The following SOCS5 variants were observed in gnomAD, a reference collection of about 807,000 sequenced individuals.
SOCS5 encodes the protein CIS-6.
Under a neutral mutation model 42.8 loss-of-function variants are expected in SOCS5, and 32 were observed. The ratio of observed to expected loss-of-function variants is 0.75; its 90% CI spans 0.56 to 1.01. The LOEUF (loss-of-function observed/expected upper bound fraction) is 1.01. Ranked by LOEUF, SOCS5 falls within the 50% of genes least tolerant of loss-of-function variation. The pLI is 0.00. For synonymous variants in SOCS5, 283 were observed against 229.6 expected (o/e 1.23, Z -2.10); for missense variants, 627 against 653.0 (o/e 0.96, Z 0.43).
At chr2:46,700,306 T>C (rs576882352) in intron 1 of SOCS5, among the ~76,000 whole-genome samples, 3 of 152,356 alleles carry the variant, frequency 2.0e-5, no homozygotes, top group East Asian at 3.9e-4. Flanking sequence ...TTATCTTTTA[T>C]TGAAAAATAT....
At chr2:46,721,062 A>G (rs745712218) in intron 1 of SOCS5, among the ~76,000 whole-genome samples, 4 of 152,290 alleles carry the variant, frequency 2.6e-5, no homozygotes, top group Non-Finnish European at 2.9e-5. Context: ...TGTCATGTCT[A>G]CTACCTAGAC....
chr2:46,725,728 T>C (rs1419775949), intron 1 of SOCS5, among the ~76,000 whole-genome samples: 1 of 152,220 alleles, frequency 6.6e-6, no homozygotes, highest in African/African-American at 2.4e-5. Flanking sequence ...TTGTTCTTCC[T>C]TAATTATAGA....
intron 1 of SOCS5, among the ~76,000 whole-genome samples, chr2:46,729,703 T>A (rs1673072821): frequency 6.6e-6 from 1 of 152,208 alleles, no homozygotes; most frequent in South Asian, 2.1e-4. Context: ...GGTGTGTGAA[T>A]GTGAAGGCCT....
intron 1 of SOCS5, among the ~76,000 whole-genome samples, chr2:46,726,415 C>A (rs1166452390): frequency 6.6e-6 from 1 of 152,114 alleles, no homozygotes; most frequent in East Asian, 1.9e-4. Flanking sequence ...GTTTATTCTA[C>A]TTGGTTTCTC....
intron 1 of SOCS5, among the ~76,000 whole-genome samples, chr2:46,739,302 T>A (rs1056722641): frequency 6.6e-6 from 1 of 152,144 alleles, no homozygotes; most frequent in African/African-American, 2.4e-5. Flanking sequence ...AAAGGTAATA[T>A]AATTAGAGAA....
rs574062023 is a variant in SOCS5 at position 46,727,596 on chromosome 2, T to G, written c.-13+28147T>G. Among the ~76,000 whole-genome samples, 108 of 152,302 alleles carry G rather than the reference T, an allele frequency of 7.1e-4. 1 individual carries two copies. The highest frequency in any genetic ancestry group is 2.4e-3 in the African/African-American group (101 of 41,554). On this transcript the variant is annotated intron_variant, in intron 1 of 1. Transcript: ENST00000394861. ...GTCAGTTTGTTTTCAAAGCCTGTAGTGCTTCGCTGTTTGGGTCTGTCCTAT... is the reference window on the plus strand; with the variant it reads ...GTCAGTTTGTTTTCAAAGCCTGTAGGGCTTCGCTGTTTGGGTCTGTCCTAT...
intron 1 of SOCS5, among the ~76,000 whole-genome samples, chr2:46,756,046 G>T (rs72882819): frequency 6.6e-6 from 1 of 152,114 alleles, no homozygotes. Flanking sequence ...GAACCAGGGG[G>T]TTCAGTGTTA....
intron 1 of SOCS5, among the ~76,000 whole-genome samples, chr2:46,702,708 C>G (rs1422294521): frequency 1.3e-5 from 2 of 151,926 alleles, no homozygotes; most frequent in African/African-American, 4.9e-5. Context: ...ATGTGTGTGA[C>G]TCCAATTTTA....
At chr2:46,736,192 C>G (rs938557893) in intron 1 of SOCS5, among the ~76,000 whole-genome samples, 1 of 151,934 alleles carries the variant, frequency 6.6e-6, no homozygotes, top group Non-Finnish European at 1.5e-5. Flanking sequence ...TAGGTGTGTG[C>G]CACCATGCCC....
chr2:46,759,424 A>G lies in SOCS5; in HGVS notation c.894A>G (p.Lys298=). ...EATAQVNPLY[K]LGPKLAPGMT... is the part of the protein sequence containing the mutation. ...CTGCACAGGTTAATCCATTATATAA[A>G]CTGGGACCAAAATTAGCTCCTGGAA... The change falls in exon 2 of 2, where the codon AAA becomes AAG. Residue 298 remains lysine (K), a synonymous_variant. Coordinates refer to ENST00000394861, the MANE Select transcript of SOCS5 (RefSeq NM_144949.3). The G allele has an allele frequency of 6.2e-7, 1 of 1,613,982 alleles. No homozygotes were observed. Among genetic ancestry groups the G allele is most frequent in the East Asian group, 2.2e-5 (1 of 44,884 alleles).
At chr2:46,712,148 T>C (rs1423490999) in intron 1 of SOCS5, among the ~76,000 whole-genome samples, 2 of 152,164 alleles carry the variant, frequency 1.3e-5, no homozygotes, top group East Asian at 1.9e-4. Context: ...TTTGAATCTA[T>C]GAATTGGAGA....
At chr2:46,719,816 C>T (rs749582665) in intron 1 of SOCS5, among the ~76,000 whole-genome samples, 4 of 152,074 alleles carry the variant, frequency 2.6e-5, no homozygotes, top group African/African-American at 4.8e-5. Context: ...TCATACCAGA[C>T]CTGAAAGAAG....
rs181360893 is a variant in SOCS5, at chr2:46,724,572, T to C, written c.-13+25123T>C. On this transcript the variant is annotated intron_variant, in intron 1 of 1. Coordinates refer to ENST00000394861, the MANE Select transcript of SOCS5 (RefSeq NM_144949.3). ...CTACATCATACAAATGATGTATTTT[T>C]ATTTCCTTTTCAGTTCGAGATATTT... Among the ~76,000 whole-genome samples the C allele has an allele frequency of 2.4e-4, 37 of 152,202 alleles. No homozygotes were observed. In the East Asian group the frequency reaches 5.2e-3, roughly 21 times the overall value.
chr2:46,719,901 ACTGATTCTATT>A (rs1483988103), intron 1 of SOCS5, among the ~76,000 whole-genome samples: 5 of 152,190 alleles, frequency 3.3e-5, no homozygotes, highest in Non-Finnish European at 7.4e-5. Flanking sequence ...TGGTCAGGGC[ACTGATTCTATT>A]CTAAACAGAT....
rs774932186 is a variant in SOCS5, at chr2:46,758,549, A to G, written c.19A>G (p.Met7Val). 2.5e-6 allele frequency: 4 copies of G among 1,589,226 alleles called. No individual in the cohort carries two copies. The highest frequency in any genetic ancestry group is 3.8e-5 in the Admixed American group (2 of 53,280). MDKVGK[M>V]WNNFKYRCQN... ...ATAATCAATGGATAAAGTGGGAAAA[A>G]TGTGGAATAACTTCAAATACAGGTG... is the stretch of plus-strand genomic sequence containing the variant. Residue 7 changes from methionine (M) to valine (V), a missense_variant, in exon 2 of 2, where the codon ATG becomes GTG. Transcript: ENST00000394861.
chr2:46,701,060 A>G (rs970399080), intron 1 of SOCS5, among the ~76,000 whole-genome samples: 2 of 152,206 alleles, frequency 1.3e-5, no homozygotes, highest in Admixed American at 1.3e-4. Flanking sequence ...ATAATTATAT[A>G]TATTTTCTCC....
intron 1 of SOCS5, among the ~76,000 whole-genome samples, chr2:46,748,045 T>G (rs1673543048): frequency 6.6e-6 from 1 of 152,184 alleles, no homozygotes; most frequent in South Asian, 2.1e-4. Flanking sequence ...GTTGATGATT[T>G]TGTTCAACAT....
intron 1 of SOCS5, among the ~76,000 whole-genome samples, chr2:46,716,686 T>G (rs1672752469): frequency 6.6e-6 from 1 of 152,126 alleles, no homozygotes. Context: ...TCTATGTTGC[T>G]CAGGCTAGTC....
intron 1 of SOCS5, among the ~76,000 whole-genome samples, chr2:46,744,863 CTA>C (rs1167989453): frequency 6.6e-6 from 1 of 150,526 alleles, no homozygotes; most frequent in Non-Finnish European, 1.5e-5. Flanking sequence ...TATTTTATGT[CTA>C]TTTGTGGTTT....
Sources: gnomAD v4.1 joint callset for allele counts (sites outside exome capture counted in the v4.1 genomes callset) on GRCh38, gnomAD v4.1.1 for gene constraint, MANE v1.5 for transcripts, NCBI Gene and HGNC (gene_info 2026-07-23, HGNC 2026-07-21) for gene names.